Variants in RIPOR2 observed in about 807,000 individuals in gnomAD.
RIPOR2 encodes rho family-interacting cell polarization regulator 2.
Under a neutral mutation model 114.5 loss-of-function variants are expected in RIPOR2, and 39 were observed. That is an observed-to-expected ratio of 0.34 (90% CI 0.26 to 0.44). The LOEUF (loss-of-function observed/expected upper bound fraction) is 0.44, where lower values mean the gene tolerates loss of function less well. Among genes scored for constraint, RIPOR2 ranks in the 20% least tolerant of loss-of-function variants. The pLI, the probability that RIPOR2 is intolerant of heterozygous loss-of-function variation, is 1.00. For synonymous variants in RIPOR2, 445 were observed against 484.4 expected (o/e 0.92, Z 1.07); for missense variants, 1,007 against 1,255.1 (o/e 0.80, Z 2.99).
intron 1 of RIPOR2, among the ~76,000 whole-genome samples, chr6:24,903,832 C>CA (rs1768704688): frequency 6.6e-6 from 1 of 152,238 alleles, no homozygotes; most frequent in South Asian, 2.1e-4. Flanking sequence ...TCTCAGGCAT[C>CA]CACTTGTGTT....
intron 1 of RIPOR2, among the ~76,000 whole-genome samples, chr6:24,988,214 G>C (rs1774622187): frequency 6.6e-6 from 1 of 152,092 alleles, no homozygotes; most frequent in Non-Finnish European, 1.5e-5. Context: ...TTTTGAGACA[G>C]AGTCTCTCTC....
chr6:25,016,064 T>C (rs1212265090), intron 1 of RIPOR2, among the ~76,000 whole-genome samples: 2 of 151,754 alleles, frequency 1.3e-5, no homozygotes, highest in African/African-American at 4.8e-5. Flanking sequence ...CCATCATGCC[T>C]AGCTAATTTT....
intron 14 of RIPOR2, chr6:24,836,199 A>G (rs895249302): frequency 7.8e-6 from 2 of 257,938 alleles, no homozygotes; most frequent in Non-Finnish European, 1.5e-5. Context: ...CTCTGTTGAC[A>G]GGGTGATCTG....
At chr6:24,862,109 C>T (rs1764124198) in intron 7 of RIPOR2, among the ~76,000 whole-genome samples, 1 of 152,266 alleles carries the variant, frequency 6.6e-6, no homozygotes. Flanking sequence ...TAACTAGCCT[C>T]ACCCTACTTC....
At chr6:24,992,468 A>G (rs1774865774) in intron 1 of RIPOR2, among the ~76,000 whole-genome samples, 2 of 152,332 alleles carry the variant, frequency 1.3e-5, no homozygotes, top group South Asian at 4.1e-4. Flanking sequence ...AATCCAAGTC[A>G]CAATTGCCAC....
intron 1 of RIPOR2, among the ~76,000 whole-genome samples, chr6:24,884,433 ATAAAT>A (rs1423380576): frequency 1.3e-5 from 2 of 152,202 alleles, no homozygotes; most frequent in East Asian, 1.9e-4. Flanking sequence ...ATAAAAATAA[ATAAAT>A]TAAGAAATCA....
At chr6:24,941,522 A>G (rs980059244) in intron 1 of RIPOR2, among the ~76,000 whole-genome samples, 8 of 152,222 alleles carry the variant, frequency 5.3e-5, no homozygotes, top group Admixed American at 5.2e-4. Context: ...TCAATTACTG[A>G]GTTAAGGGAC....
chr6:24,902,086 C>T (rs1028184811), intron 1 of RIPOR2, among the ~76,000 whole-genome samples: 3 of 152,068 alleles, frequency 2.0e-5, no homozygotes, highest in East Asian at 1.9e-4. Flanking sequence ...AGAAGAGAAG[C>T]GGTAGAAAAG....
At chr6:25,024,113 G>T in intron 1 of RIPOR2, 1 of 826,748 alleles carries the variant, frequency 1.2e-6, no homozygotes, top group Non-Finnish European at 2.1e-6. Flanking sequence ...AGCTCAAACC[G>T]GACCTGATAT....
chr6:24,958,085 G>T (rs1276371358), intron 1 of RIPOR2, among the ~76,000 whole-genome samples: 1 of 151,956 alleles, frequency 6.6e-6, no homozygotes, highest in Non-Finnish European at 1.5e-5. Context: ...TATACACAAA[G>T]ATGTGTTATT....
chr6:24,825,085 A>T, intron 19 of RIPOR2, 141 bp downstream of exon 19: 2 of 646,890 alleles, frequency 3.1e-6, no homozygotes, highest in Non-Finnish European at 5.2e-6. Context: ...ATATTTCTTT[A>T]GTTTTGATTG....
intron 1 of RIPOR2, chr6:25,024,423 A>G: frequency 9.5e-7 from 1 of 1,055,220 alleles, no homozygotes; most frequent in Non-Finnish European, 1.5e-6. Context: ...CCACACGAGG[A>G]TGCAGGAGGT....
At chr6:24,887,642 T>TGA in intron 1 of RIPOR2, among the ~76,000 whole-genome samples, 1 of 152,340 alleles carries the variant, frequency 6.6e-6, no homozygotes, top group East Asian at 1.9e-4. Flanking sequence ...TTTATTCCTC[T>TGA]TCAAAGCAAT....
intron 1 of RIPOR2, among the ~76,000 whole-genome samples, chr6:24,904,006 G>T (rs564763956): frequency 6.6e-6 from 1 of 152,326 alleles, no homozygotes; most frequent in African/African-American, 2.4e-5. Context: ...GAGCTGGGAA[G>T]CTGAAAACTG....
chr6:24,835,014 C>G (rs1761006779), intron 15 of RIPOR2, among the ~76,000 whole-genome samples: 1 of 152,194 alleles, frequency 6.6e-6, no homozygotes, highest in South Asian at 2.1e-4. Flanking sequence ...GAAAAGCAAC[C>G]AGGCAAGGAG....
At chr6:25,011,289 GTATA>G (rs1475856021) in intron 1 of RIPOR2, among the ~76,000 whole-genome samples, 1 of 152,146 alleles carries the variant, frequency 6.6e-6, no homozygotes, top group African/African-American at 2.4e-5. Context: ...GTGTGTGCAT[GTATA>G]TAATGTGTGC....
chr6:24,930,270 G>C lies in RIPOR2; in HGVS notation c.61+5568C>G, dbSNP rs139004889. ...AAATTATCATACCTACAATGAGTAT[G>C]CATGTACTTTTAGTTTTCAACTCAA... is the stretch of plus-strand genomic sequence containing the variant. On this transcript the variant is annotated intron_variant, in intron 1 of 21. Coordinates refer to ENST00000643898, the MANE Select transcript of RIPOR2 (RefSeq NM_001286445.3). 3.1e-3 allele frequency among the ~76,000 whole-genome samples: 471 copies of C among 152,282 alleles called. 4 individuals are homozygous for C. The highest frequency in any genetic ancestry group is 0.01 in the African/African-American group (432 of 41,552).
chr6:24,912,850 A>G (rs1769770698), intron 1 of RIPOR2, among the ~76,000 whole-genome samples: 1 of 152,196 alleles, frequency 6.6e-6, no homozygotes, highest in African/African-American at 2.4e-5. Flanking sequence ...GGGAGGAGGA[A>G]GAGGATGAAA....
chr6:24,926,760 C>G (rs907959533), intron 1 of RIPOR2, among the ~76,000 whole-genome samples: 1 of 152,094 alleles, frequency 6.6e-6, no homozygotes, highest in African/African-American at 2.4e-5. Flanking sequence ...GTAGTAAACC[C>G]TTATGGTTTT....
Sources: allele counts gnomAD v4.1 joint callset (sites outside exome capture counted in the v4.1 genomes callset), GRCh38; gene constraint gnomAD v4.1.1; transcripts MANE v1.5; gene names NCBI Gene and HGNC (gene_info 2026-07-23, HGNC 2026-07-21).